Variants in SIPA1L3 observed in about 807,000 individuals in gnomAD.
The protein encoded by SIPA1L3 is signal induced proliferation associated 1 like 3.
In SIPA1L3, 59 loss-of-function variants were observed where a neutral mutation model predicts 150.1. That is an observed-to-expected ratio of 0.39 (90% confidence interval 0.32 to 0.49). The LOEUF (loss-of-function observed/expected upper bound fraction) is 0.49. Among genes scored for constraint, SIPA1L3 ranks in the 20% least tolerant of loss-of-function variants. The pLI is 0.86. For missense variants in SIPA1L3, 2,211 were observed against 2,489.5 expected (o/e 0.89, Z 2.38); for synonymous variants, 1,070 against 1,077.6 (o/e 0.99, Z 0.14).
intron 2 of SIPA1L3, among the ~76,000 whole-genome samples, chr19:38,038,847 G>A (rs1968848643): frequency 6.6e-6 from 1 of 152,138 alleles, no homozygotes; most frequent in Non-Finnish European, 1.5e-5. Flanking sequence ...ACATTATAAA[G>A]CTGTATTATT....
intron 1 of SIPA1L3, among the ~76,000 whole-genome samples, chr19:37,951,930 G>A (rs2046768681): frequency 6.7e-6 from 1 of 148,698 alleles, no homozygotes; most frequent in African/African-American, 2.5e-5. Context: ...CCACTGTTGT[G>A]GAATGTCCTG....
intron 1 of SIPA1L3, among the ~76,000 whole-genome samples, chr19:37,962,070 A>G (rs754381412): frequency 1.5e-4 from 22 of 151,512 alleles, no homozygotes; most frequent in Non-Finnish European, 2.8e-4. Flanking sequence ...CTAGAAGGCA[A>G]TTTCTATTAA....
At chr19:38,089,524 G>A (rs1003844725) in intron 4 of SIPA1L3, among the ~76,000 whole-genome samples, 1 of 152,122 alleles carries the variant, frequency 6.6e-6, no homozygotes, top group African/African-American at 2.4e-5. Context: ...AACATGAGGT[G>A]TCCTACGTAA....
chr19:38,049,946 C>T (rs1243232573), intron 2 of SIPA1L3, among the ~76,000 whole-genome samples: 1 of 152,130 alleles, frequency 6.6e-6, no homozygotes, highest in Non-Finnish European at 1.5e-5. Context: ...CTAATTCAGG[C>T]TCCCCTTTCC....
At chr19:38,188,754 C>G (rs1972742853) in intron 16 of SIPA1L3, among the ~76,000 whole-genome samples, 1 of 151,676 alleles carries the variant, frequency 6.6e-6, no homozygotes, top group African/African-American at 2.4e-5. Context: ...AACCCCGTCT[C>G]TACTAAAAAT....
intron 12 of SIPA1L3, among the ~76,000 whole-genome samples, chr19:38,152,428 C>T (rs572081996): frequency 8.5e-4 from 129 of 152,302 alleles, no homozygotes; most frequent in Non-Finnish European, 1.3e-3. Context: ...ATGAATGCTT[C>T]CCAACCTGCT....
intron 1 of SIPA1L3, among the ~76,000 whole-genome samples, chr19:38,022,271 C>G (rs1968387774): frequency 6.6e-6 from 1 of 152,184 alleles, no homozygotes; most frequent in African/African-American, 2.4e-5. Context: ...AGTTAAAGAA[C>G]AGAAAACAGA....
At chr19:37,939,906 T>C (rs2046637533) in intron 1 of SIPA1L3, among the ~76,000 whole-genome samples, 1 of 152,202 alleles carries the variant, frequency 6.6e-6, no homozygotes. Context: ...ACCAGGATGG[T>C]ACCTGTAGAT....
chr19:38,070,270 C>T (rs1299036529), intron 2 of SIPA1L3, among the ~76,000 whole-genome samples: 1 of 151,726 alleles, frequency 6.6e-6, no homozygotes, highest in South Asian at 2.1e-4. Flanking sequence ...AGTGCAGTGG[C>T]GTGATCACAG....
chr19:38,024,453 TTCCTTTACCCTCTGCAGTC>T (rs1376886860), intron 1 of SIPA1L3, among the ~76,000 whole-genome samples: 6 of 152,026 alleles, frequency 3.9e-5, no homozygotes, highest in Non-Finnish European at 7.4e-5. Flanking sequence ...GCTTGCAGCC[TTCCTTTACCCTCTGCAGTC>T]TCCTCGGAGG....
At chr19:38,065,392 G>A (rs950779827) in intron 2 of SIPA1L3, among the ~76,000 whole-genome samples, 17 of 143,606 alleles carry the variant, frequency 1.2e-4, no homozygotes, top group South Asian at 6.9e-4. Context: ...CTCTGCTCAT[G>A]TTTTCCCTCA....
At chr19:38,113,345 G>A (rs1489788476) in intron 8 of SIPA1L3, among the ~76,000 whole-genome samples, 2 of 152,004 alleles carry the variant, frequency 1.3e-5, no homozygotes, top group Non-Finnish European at 2.9e-5. Context: ...ATGATATGAT[G>A]GGCTGGGCAT....
chr19:37,939,810 A>G (rs1205266579), intron 1 of SIPA1L3, among the ~76,000 whole-genome samples: 1 of 152,194 alleles, frequency 6.6e-6, no homozygotes, highest in Non-Finnish European at 1.5e-5. Context: ...CTAAGTGAAA[A>G]GGGGAGACTC....
At chr19:38,052,106 C>T (rs999430913) in intron 2 of SIPA1L3, among the ~76,000 whole-genome samples, 1 of 152,130 alleles carries the variant, frequency 6.6e-6, no homozygotes, top group Non-Finnish European at 1.5e-5. Flanking sequence ...ATGCCCACAG[C>T]GTGCCTGTAC....
At position 38,043,804 on chromosome 19, in the gene SIPA1L3, G is replaced by T. The variant is rs977255834; in HGVS notation, c.-311+14648G>T. On this transcript the variant is annotated intron_variant, in intron 2 of 21. Transcript: ENST00000222345. ...TACGATAAAAAGAGGGCACGGAGGAGCTGAGGTCAGAGAGTTCCACAGGAG... is the reference window on the plus strand; with the variant it reads ...TACGATAAAAAGAGGGCACGGAGGATCTGAGGTCAGAGAGTTCCACAGGAG... Among the ~76,000 whole-genome samples the T allele has an allele frequency of 5.3e-5, 8 of 152,222 alleles. 1 individual carries two copies. In the South Asian group the frequency reaches 1.7e-3, roughly 32 times the overall value.
chr19:37,926,335 G>T (rs562241656), intron 1 of SIPA1L3, among the ~76,000 whole-genome samples: 1 of 152,182 alleles, frequency 6.6e-6, no homozygotes, highest in Non-Finnish European at 1.5e-5. Context: ...CCAGCAAGAG[G>T]CTGCCCCTTT....
At chr19:37,991,935 ACCT>A in intron 1 of SIPA1L3, among the ~76,000 whole-genome samples, 1 of 151,814 alleles carries the variant, frequency 6.6e-6, no homozygotes, top group South Asian at 2.1e-4. Flanking sequence ...CAGGTACTTC[ACCT>A]CCTTCCTCAG....
At chr19:37,957,288 G>C (rs2046819347) in intron 1 of SIPA1L3, among the ~76,000 whole-genome samples, 1 of 152,186 alleles carries the variant, frequency 6.6e-6, no homozygotes. Flanking sequence ...CAAGTTTTCA[G>C]ATCACCTTGT....
chr19:37,985,167 A>C (rs1476207383), intron 1 of SIPA1L3, among the ~76,000 whole-genome samples: 1 of 152,048 alleles, frequency 6.6e-6, no homozygotes, highest in Non-Finnish European at 1.5e-5. Context: ...CGACAGAGCA[A>C]GATTCTATCT....
Sources: gnomAD v4.1 joint callset for allele counts (sites outside exome capture counted in the v4.1 genomes callset) on GRCh38, gnomAD v4.1.1 for gene constraint, MANE v1.5 for transcripts, NCBI Gene and HGNC (gene_info 2026-07-23, HGNC 2026-07-21) for gene names.